Variants in HTN1 observed in about 807,000 individuals in gnomAD.
HTN1 encodes histatin 1, also known as histatin-1.
Under a neutral mutation model 11.2 loss-of-function variants are expected in HTN1, and 18 were observed. The ratio of observed to expected loss-of-function variants is 1.61; its 90% confidence interval spans 1.12 to 2.39. The LOEUF (loss-of-function observed/expected upper bound fraction) is 2.39. Ranked by LOEUF, HTN1 falls within the 30% of genes most tolerant of loss-of-function variation. The pLI, the probability that HTN1 is intolerant of heterozygous loss-of-function variation, is 0.00. For synonymous variants in HTN1, 21 were observed against 20.5 expected, an observed-to-expected ratio of 1.02 and a Z score of -0.07; for missense variants, 80 against 67.2, an observed-to-expected ratio of 1.19 and a Z score of -0.67.
intron 1 of HTN1, among the ~76,000 whole-genome samples, chr4:70,051,180 CTT>C (rs1314744843): frequency 1.3e-5 from 2 of 152,056 alleles, no homozygotes; most frequent in African/African-American, 4.8e-5. Context: ...TAAATTCTCT[CTT>C]GGTAAATATA....
At chr4:70,054,376 A>G (rs758097372) in intron 3 of HTN1, 34 bp downstream of exon 3, 34 of 1,538,518 alleles carry the variant, frequency 2.2e-5, no homozygotes, top group Non-Finnish European at 3.0e-5. Flanking sequence ...AAACTTGATA[A>G]ATAAACATAT....
At position 70,058,767 on chromosome 4, in the gene HTN1, C is replaced by T. The variant is rs1726107286; in HGVS notation, c.*221C>T. 1 of 152,110 alleles carries T rather than the reference C, an allele frequency of 6.6e-6. No individual in the cohort carries two copies. The highest frequency in any genetic ancestry group is 2.4e-5 in the African/African-American group (1 of 41,426). The allele number at this position is 152,110 out of a possible 1,614,324, so 9.4% of individuals were successfully genotyped here. Reference sequence around the variant, plus strand: ...TTTGATTAGATACTTGCAATTTAAACTGTTAAGCTGTTTTCACTGCTGTTT... The same window carrying T: ...TTTGATTAGATACTTGCAATTTAAATTGTTAAGCTGTTTTCACTGCTGTTT... On this transcript the variant is annotated 3_prime_UTR_variant, in exon 6 of 6. Transcript: ENST00000246896.
Position 70,054,417 on chromosome 4 carries a change from A to T in HTN1, c.73-4A>T. ...ATTTTTAATCTTTTCTTTTTATTTC[A>T]TAGAGACATCATGGGTATAGAAGAA... On this transcript the variant is annotated splice_region_variant and splice_polypyrimidine_tract_variant and intron_variant, in intron 3 of 5. Coordinates refer to ENST00000246896, the MANE Select transcript of HTN1 (RefSeq NM_002159.4). The T allele has an allele frequency of 6.6e-7, 1 of 1,523,004 alleles. No individual in the cohort carries two copies. The highest frequency in any genetic ancestry group is 1.4e-5 in the African/African-American group (1 of 72,680). The allele number at this position is 1,523,004 out of a possible 1,614,324, so 94.3% of individuals were successfully genotyped here.
chr4:70,054,289 A>G (rs565060126), intron 2 of HTN1, 33 bp from the exon 3 acceptor site: 3 of 1,264,290 alleles, frequency 2.4e-6, no homozygotes, highest in East Asian at 2.6e-5. Context: ...AAATTAAAAT[A>G]TTAATTATTT....
intron 2 of HTN1, among the ~76,000 whole-genome samples, chr4:70,053,563 A>G (rs1725954400): frequency 6.6e-6 from 1 of 152,172 alleles, no homozygotes; most frequent in South Asian, 2.1e-4. Flanking sequence ...AAGTCAGCAT[A>G]CAATTATTTA....
chr4:70,051,670 G>A (rs1450301876), intron 1 of HTN1, among the ~76,000 whole-genome samples: 1 of 152,060 alleles, frequency 6.6e-6, no homozygotes, highest in Non-Finnish European at 1.5e-5. Flanking sequence ...TTTATAGTTA[G>A]TCCTATAGTA....
At chr4:70,053,182 C>T in intron 2 of HTN1, 55 bp downstream of exon 2, 1 of 1,146,218 alleles carries the variant, frequency 8.7e-7, no homozygotes, top group South Asian at 1.2e-5. Flanking sequence ...TCCCAAGTGT[C>T]TCTCTTATTC....
chr4:70,053,550 T>G (rs1334190250), intron 2 of HTN1, among the ~76,000 whole-genome samples: 2 of 152,154 alleles, frequency 1.3e-5, no homozygotes, highest in African/African-American at 4.8e-5. Flanking sequence ...CAACCTACTC[T>G]TAAAGTCAGC....
chr4:70,057,160 G>A (rs1726064409), intron 5 of HTN1: 1 of 152,174 alleles, frequency 6.6e-6, no homozygotes, highest in Admixed American at 6.5e-5. Context: ...TGATAGACTG[G>A]ATAAAGAAAA....
At chr4:70,057,508 A>T (rs1181027613) in intron 5 of HTN1, 2 of 152,188 alleles carry the variant, frequency 1.3e-5, no homozygotes, top group African/African-American at 2.4e-5. Context: ...AAGTAAAATT[A>T]AAAAATAAAA....
rs544561621 is a variant in HTN1, at chr4:70,058,735, A to C, written c.*189A>C. 6.6e-6 allele frequency: 1 copy of C among 152,252 alleles called. No homozygotes were observed. The highest frequency in any genetic ancestry group is 2.4e-5 in the African/African-American group (1 of 41,568). 9.4% of individuals were successfully genotyped at this position (152,252 alleles called of 1,614,324 possible). ...GTGTTTCATGATACTTCCCTTCCTA[A>C]TTATCATTTGATTAGATACTTGCAA... On this transcript the variant is annotated 3_prime_UTR_variant, in exon 6 of 6. Transcript: ENST00000246896.
intron 4 of HTN1, among the ~76,000 whole-genome samples, chr4:70,054,980 A>G (rs1725996095): frequency 1.3e-5 from 2 of 152,082 alleles, no homozygotes; most frequent in South Asian, 4.1e-4. Context: ...TCTCCTTACT[A>G]ACATAGCAAG....
chr4:70,055,389 G>A, intron 4 of HTN1, 109 bp from the exon 5 acceptor site: 2 of 759,898 alleles, frequency 2.6e-6, no homozygotes, highest in Non-Finnish European at 2.3e-6. Context: ...TAAAATACAA[G>A]GTCTTAACAA....
chr4:70,056,530 G>T (rs1463720894), intron 5 of HTN1: 1 of 152,242 alleles, frequency 6.6e-6, no homozygotes, highest in East Asian at 1.9e-4. Flanking sequence ...AGCCAAAATT[G>T]ACAAATGGGA....
chr4:70,053,164 A>C, intron 2 of HTN1, 37 bp downstream of exon 2: 1 of 1,325,386 alleles, frequency 7.5e-7, no homozygotes, highest in African/African-American at 1.4e-5. Flanking sequence ...CTACATTCTC[A>C]GTACTTATCC....
intron 5 of HTN1, chr4:70,058,037 C>T (rs1164421181): frequency 6.6e-6 from 1 of 152,100 alleles, no homozygotes; most frequent in East Asian, 1.9e-4. Flanking sequence ...GTTCCAAAAT[C>T]TATGAGATAC....
chr4:70,057,036 G>A (rs1313313512), intron 5 of HTN1: 1 of 152,124 alleles, frequency 6.6e-6, no homozygotes, highest in Non-Finnish European at 1.5e-5. Flanking sequence ...CCATGACTGG[G>A]TATATACCCA....
chr4:70,057,741 A>T (rs1196280213), intron 5 of HTN1: 4 of 152,126 alleles, frequency 2.6e-5, no homozygotes, highest in African/African-American at 7.2e-5. Flanking sequence ...CTTGTTCTGG[A>T]AGGTGTATGG....
intron 1 of HTN1, among the ~76,000 whole-genome samples, chr4:70,051,715 C>T (rs573976014): frequency 6.6e-4 from 101 of 152,032 alleles, no homozygotes; most frequent in Middle Eastern, 3.4e-3. Context: ...GCAAAATAAA[C>T]GAATAAATAA....
Sources: allele counts gnomAD v4.1 joint callset (sites outside exome capture counted in the v4.1 genomes callset), GRCh38; gene constraint gnomAD v4.1.1; transcripts MANE v1.5; gene names NCBI Gene and HGNC (gene_info 2026-07-23, HGNC 2026-07-21).